Variants in ENTREP2 observed in about 807,000 individuals in gnomAD.
ENTREP2 encodes protein ENTREP2.
At chr15:29,217,578 A>G in the ENTREP2 span, among the ~76,000 whole-genome samples, 5 of 152,038 alleles carry the variant, frequency 3.3e-5, no homozygotes, top group East Asian at 1.9e-4. Flanking sequence ...TTGCATTTCT[A>G]TAAGTGTGTC....
chr15:29,537,501 C>T, the ENTREP2 span, among the ~76,000 whole-genome samples: 1 of 152,090 alleles, frequency 6.6e-6, no homozygotes, highest in Non-Finnish European at 1.5e-5. Context: ...AGCTGAGGAC[C>T]AGCCACGCAC....
the ENTREP2 span, among the ~76,000 whole-genome samples, chr15:29,305,387 C>T: frequency 6.6e-6 from 1 of 152,184 alleles, no homozygotes; most frequent in Non-Finnish European, 1.5e-5. Context: ...TTCATCATGG[C>T]TTCTGTGTGG....
chr15:29,155,855 T>C, the ENTREP2 span, among the ~76,000 whole-genome samples: 1 of 152,146 alleles, frequency 6.6e-6, no homozygotes, highest in African/African-American at 2.4e-5. Context: ...TTAAATCCAA[T>C]GTCCTGCTAC....
At chr15:29,178,651 T>G in the ENTREP2 span, among the ~76,000 whole-genome samples, 2 of 152,100 alleles carry the variant, frequency 1.3e-5, no homozygotes, top group African/African-American at 2.4e-5. Flanking sequence ...CTGCTAAGAT[T>G]TGCTGACCTC....
the ENTREP2 span, among the ~76,000 whole-genome samples, chr15:29,119,672 C>CAAAAA: frequency 9.8e-6 from 1 of 101,584 alleles, no homozygotes; most frequent in African/African-American, 5.7e-5. Context: ...ACAATTCTAG[C>CAAAAA]AAAAAAAAAA....
chr15:29,414,531 C>T, the ENTREP2 span, among the ~76,000 whole-genome samples: 19 of 152,056 alleles, frequency 1.2e-4, no homozygotes, highest in South Asian at 4.2e-4. Flanking sequence ...GCACTAAATG[C>T]CCACAAGAGA....
chr15:29,270,663 A>G, the ENTREP2 span, among the ~76,000 whole-genome samples: 1 of 151,762 alleles, frequency 6.6e-6, no homozygotes, highest in Non-Finnish European at 1.5e-5. Context: ...GAAAAAAAAG[A>G]GAACACTGGG....
chr15:29,403,627 T>C, the ENTREP2 span, among the ~76,000 whole-genome samples: 9 of 152,226 alleles, frequency 5.9e-5, no homozygotes, highest in African/African-American at 2.2e-4. Flanking sequence ...CAAATCATTA[T>C]GAATAAAGGC....
chr15:29,647,636 A>T, the ENTREP2 span, among the ~76,000 whole-genome samples: 2 of 152,140 alleles, frequency 1.3e-5, no homozygotes, highest in East Asian at 1.9e-4. Context: ...TTGGGCAGTA[A>T]TACCTCAGAG....
the ENTREP2 span, chr15:29,268,869 T>C: frequency 5.0e-6 from 8 of 1,613,982 alleles, no homozygotes; most frequent in Admixed American, 8.3e-5. Flanking sequence ...AGTACTGCGC[T>C]GGCCAGTCCT....
chr15:29,441,216 A>C, the ENTREP2 span, among the ~76,000 whole-genome samples: 1 of 152,192 alleles, frequency 6.6e-6, no homozygotes, highest in Non-Finnish European at 1.5e-5. Context: ...TCACAAAAGG[A>C]CAAATATGTG....
chr15:29,310,265 G>A, the ENTREP2 span, among the ~76,000 whole-genome samples: 3 of 152,276 alleles, frequency 2.0e-5, no homozygotes, highest in Admixed American at 2.0e-4. Context: ...GGGTGATGGG[G>A]TCTGAGTTGG....
the ENTREP2 span, among the ~76,000 whole-genome samples, chr15:29,366,442 T>G: frequency 6.6e-6 from 1 of 152,190 alleles, no homozygotes; most frequent in Non-Finnish European, 1.5e-5. Flanking sequence ...ATAATTTACA[T>G]AAAAGAAAAC....
the ENTREP2 span, among the ~76,000 whole-genome samples, chr15:29,489,146 A>G: frequency 8.8e-6 from 1 of 113,090 alleles, no homozygotes; most frequent in Non-Finnish European, 1.7e-5. Flanking sequence ...AAAATAAAAC[A>G]TGGGAAAAAC....
At chr15:29,336,234 A>C in the ENTREP2 span, among the ~76,000 whole-genome samples, 120,529 of 151,926 alleles carry the variant, frequency 0.79, 47,984 homozygotes, top group Middle Eastern at 0.83. Flanking sequence ...GCCAATGATA[A>C]TTGGATGCGT....
chr15:29,206,770 C>T, the ENTREP2 span, among the ~76,000 whole-genome samples: 1 of 152,102 alleles, frequency 6.6e-6, no homozygotes, highest in Non-Finnish European at 1.5e-5. Flanking sequence ...GAATTTTACA[C>T]TTTAAGTGGG....
At chr15:29,347,058 C>T in the ENTREP2 span, among the ~76,000 whole-genome samples, 2 of 152,356 alleles carry the variant, frequency 1.3e-5, no homozygotes, top group South Asian at 2.1e-4. Flanking sequence ...CCGCCTCATA[C>T]ACACAGCCAT....
At chr15:29,656,882 C>T in the ENTREP2 span, among the ~76,000 whole-genome samples, 1 of 152,214 alleles carries the variant, frequency 6.6e-6, no homozygotes, top group African/African-American at 2.4e-5. Flanking sequence ...CATCTTCACA[C>T]AAAAACCTGT....
the ENTREP2 span, among the ~76,000 whole-genome samples, chr15:29,371,184 T>TG: frequency 6.6e-6 from 1 of 152,056 alleles, no homozygotes; most frequent in East Asian, 1.9e-4. Context: ...AGCTCTTCCC[T>TG]CTTGAGCCTG....
Sources: allele counts gnomAD v4.1 joint callset (sites outside exome capture counted in the v4.1 genomes callset), GRCh38; gene constraint gnomAD v4.1.1; transcripts MANE v1.5; gene names NCBI Gene and HGNC (gene_info 2026-07-23, HGNC 2026-07-21).